ACP3: variants seen among roughly 807,000 people sequenced by gnomAD.
The protein encoded by ACP3 is prostatic acid phosphatase.
ACP3 carries 38 observed loss-of-function variants against 45.6 expected under a neutral mutation model. That is an observed-to-expected ratio of 0.83 (90% CI 0.64 to 1.09). The LOEUF is 1.09. Ranked by LOEUF, ACP3 falls within the 50% of genes least tolerant of loss-of-function variation. ACP3 has a pLI of 0.00. For missense variants in ACP3, 466 were observed against 463.2 expected, an observed-to-expected ratio of 1.01 and a Z score of -0.05; for synonymous variants, 162 against 164.7, an observed-to-expected ratio of 0.98 and a Z score of 0.13.
chr3:132,360,073 G>A (rs1347736859), downstream of ACP3, among the ~76,000 whole-genome samples: 1 of 152,150 alleles, frequency 6.6e-6, no homozygotes, highest in Non-Finnish European at 1.5e-5. Context: ...GGGGCAGCAG[G>A]TAAAAATTTC....
At chr3:132,322,031 A>T (rs1157662881) in intron 1 of ACP3, among the ~76,000 whole-genome samples, 2 of 152,214 alleles carry the variant, frequency 1.3e-5, no homozygotes, top group Non-Finnish European at 2.9e-5. Context: ...TTTACACGAA[A>T]GGAAATTGAG....
At chr3:132,331,563 A>G (rs1937398436) in intron 2 of ACP3, 84 bp from the exon 3 acceptor site, 1 of 821,976 alleles carries the variant, frequency 1.2e-6, no homozygotes, top group Non-Finnish European at 1.8e-6. Flanking sequence ...ACACATAATG[A>G]AAAAAAAAAT....
At position 132,317,449 on chromosome 3, in the gene ACP3, T is replaced by C. The variant is rs747291124; in HGVS notation, c.-8T>C. The C allele has an allele frequency of 5.6e-6, 9 of 1,610,444 alleles. No homozygotes were observed. Among genetic ancestry groups the C allele is most frequent in the Non-Finnish European group, 7.6e-6 (9 of 1,178,750 alleles). ...TCCTAACTCCTGCCAGAAACAGCTCTCCTCAACATGAGAGCTGCACCCCTC... is the reference window on the plus strand; with the variant it reads ...TCCTAACTCCTGCCAGAAACAGCTCCCCTCAACATGAGAGCTGCACCCCTC... On this transcript the variant is annotated 5_prime_UTR_variant, in exon 1 of 10. Coordinates refer to ENST00000336375, the MANE Select transcript of ACP3 (RefSeq NM_001099.5).
At chr3:132,346,675 T>G (rs1296281195) in intron 7 of ACP3, among the ~76,000 whole-genome samples, 1 of 152,196 alleles carries the variant, frequency 6.6e-6, no homozygotes, top group Admixed American at 6.5e-5. Context: ...ACATAAGCAC[T>G]CAGCCTCATT....
chr3:132,338,395 T>A (rs558321114), intron 5 of ACP3, among the ~76,000 whole-genome samples: 1 of 152,206 alleles, frequency 6.6e-6, no homozygotes, highest in African/African-American at 2.4e-5. Context: ...ATATTTATAT[T>A]TATGCCATAA....
chr3:132,331,601 A>G, intron 2 of ACP3, 46 bp from the exon 3 acceptor site: 3 of 1,472,928 alleles, frequency 2.0e-6, no homozygotes, highest in Non-Finnish European at 2.8e-6. Context: ...AGTGTGATTC[A>G]TAGAACTTAC....
intron 5 of ACP3, among the ~76,000 whole-genome samples, chr3:132,340,036 C>T (rs60160229): frequency 7.2e-5 from 11 of 152,174 alleles, no homozygotes; most frequent in Admixed American, 5.2e-4. Flanking sequence ...AATAGAAGGC[C>T]GGGCACAGTG....
Position 132,318,658 on chromosome 3 carries a change from A to G in ACP3, c.120+1082A>G, listed in dbSNP as rs531966876. 1.7e-4 allele frequency among the ~76,000 whole-genome samples: 26 copies of G among 152,298 alleles called. No homozygotes were observed. The South Asian group carries it at 5.2e-3, about 30-fold the overall frequency. On this transcript the variant is annotated intron_variant, in intron 1 of 9. Transcript: ENST00000336375. ...GAAAACCCAGTGAAACAAACTATCA[A>G]TTTATTTACAAATGATTCACCAGCT...
At chr3:132,320,151 T>A (rs1937179836) in intron 1 of ACP3, among the ~76,000 whole-genome samples, 1 of 152,236 alleles carries the variant, frequency 6.6e-6, no homozygotes, top group Non-Finnish European at 1.5e-5. Context: ...AACATGCTAA[T>A]ACGCACTGTG....
Position 132,342,494 on chromosome 3 carries a change from A to G in ACP3, c.556-58A>G. On this transcript the variant is annotated intron_variant, in intron 5 of 9. Transcript: ENST00000336375. ...AACAATTGTCTGGCCCAAAATATCA[A>G]TAATGCTGAAGCTGAGAAACCTGTG... 3 of 1,222,536 alleles carry G rather than the reference A, an allele frequency of 2.5e-6. No individual in the cohort carries two copies. In the South Asian group the frequency reaches 3.8e-5, roughly 15 times the overall value. 75.7% of individuals were successfully genotyped at this position (1,222,536 alleles called of 1,614,324 possible). A position where few individuals can be genotyped will look rare whatever the true frequency, so the allele number is the denominator to read the frequency against.
chr3:132,366,968 T>C (rs1430903504), intron 10 of ACP3, among the ~76,000 whole-genome samples: 1 of 152,190 alleles, frequency 6.6e-6, no homozygotes, highest in African/African-American at 2.4e-5. Flanking sequence ...CAGAGGGATG[T>C]TTGCTCTCCT....
intron 2 of ACP3, among the ~76,000 whole-genome samples, chr3:132,328,859 A>C (rs1361321346): frequency 2.0e-5 from 3 of 152,188 alleles, no homozygotes; most frequent in Non-Finnish European, 4.4e-5. Flanking sequence ...ATAAGCCAGG[A>C]TTTGAATTTC....
intron 4 of ACP3, chr3:132,332,648 T>C: frequency 3.7e-6 from 1 of 271,986 alleles, no homozygotes; most frequent in Non-Finnish European, 7.0e-6. Context: ...GATAGACAAG[T>C]CCCCCAGTGT....
chr3:132,350,470 G>A (rs1261310313), intron 8 of ACP3, among the ~76,000 whole-genome samples: 1 of 152,208 alleles, frequency 6.6e-6, no homozygotes, highest in Non-Finnish European at 1.5e-5. Flanking sequence ...TGTTAACTGT[G>A]CTGCTCAATA....
intron 10 of ACP3, among the ~76,000 whole-genome samples, chr3:132,364,128 G>A (rs1431174366): frequency 1.3e-5 from 2 of 152,074 alleles, no homozygotes; most frequent in Non-Finnish European, 2.9e-5. Flanking sequence ...ATAATCGCTT[G>A]AGCCCAAGAG....
At chr3:132,334,717 T>C (rs945766566) in intron 4 of ACP3, among the ~76,000 whole-genome samples, 2 of 152,026 alleles carry the variant, frequency 1.3e-5, no homozygotes, top group African/African-American at 4.8e-5. Context: ...AGAAAGAGAA[T>C]GAAAATAAAA....
At chr3:132,324,460 T>C (rs1482790690) in intron 1 of ACP3, among the ~76,000 whole-genome samples, 2 of 152,038 alleles carry the variant, frequency 1.3e-5, no homozygotes, top group Non-Finnish European at 1.5e-5. Flanking sequence ...CCAACTATCA[T>C]GAGAATTAGG....
chr3:132,326,663 C>T (rs1009897026), intron 1 of ACP3, among the ~76,000 whole-genome samples: 1 of 152,180 alleles, frequency 6.6e-6, no homozygotes, highest in Non-Finnish European at 1.5e-5. Context: ...CAAGCATCTC[C>T]CACTTTCTTG....
intron 5 of ACP3, among the ~76,000 whole-genome samples, chr3:132,338,578 TC>T (rs907983643): frequency 1.1e-4 from 16 of 152,240 alleles, no homozygotes; most frequent in African/African-American, 3.4e-4. Flanking sequence ...TAATTTACCC[TC>T]CAAAGAGGTT....
Sources: allele counts gnomAD v4.1 joint callset (sites outside exome capture counted in the v4.1 genomes callset), GRCh38; gene constraint gnomAD v4.1.1; transcripts MANE v1.5; gene names NCBI Gene and HGNC (gene_info 2026-07-23, HGNC 2026-07-21).